Variants in EXOC1 observed in about 807,000 individuals in gnomAD.
The protein encoded by EXOC1 is SEC3-like 1.
Under a neutral mutation model 107.7 loss-of-function variants are expected in EXOC1, and 67 were observed. The ratio of observed to expected loss-of-function variants is 0.62; its 90% CI spans 0.51 to 0.76. The LOEUF (loss-of-function observed/expected upper bound fraction) is 0.76. Ranked by LOEUF, EXOC1 falls within the 30% of genes least tolerant of loss-of-function variation. The probability of loss-of-function intolerance (pLI) is 0.00; values close to 1 mark genes in which losing one functional copy is unlikely to be tolerated. For synonymous variants in EXOC1, 348 were observed against 353.5 expected (o/e 0.98, Z 0.17); for missense variants, 833 against 1,055.7 (o/e 0.79, Z 2.92).
intron 17 of EXOC1, 125 bp from the exon 18 acceptor site, chr4:55,902,216 TTTA>T: frequency 1.7e-6 from 1 of 599,890 alleles, no homozygotes; most frequent in East Asian, 3.5e-5. Context: ...TGATTGTTAT[TTTA>T]TTGTTTATAC....
intron 9 of EXOC1, chr4:55,883,310 C>T (rs942512182): frequency 2.0e-5 from 3 of 152,154 alleles, no homozygotes; most frequent in Non-Finnish European, 4.4e-5. Context: ...TTCCCATACA[C>T]TTTGACCCTG....
chr4:55,877,831 C>T (rs1373928136), intron 8 of EXOC1, 86 bp from the exon 9 acceptor site: 2 of 1,548,212 alleles, frequency 1.3e-6, no homozygotes, highest in African/African-American at 2.8e-5. Flanking sequence ...TTGGCTTGGC[C>T]ACATTTTGGT....
At chr4:55,874,191 A>G (rs977941405) in intron 8 of EXOC1, among the ~76,000 whole-genome samples, 2 of 152,178 alleles carry the variant, frequency 1.3e-5, no homozygotes, top group Admixed American at 1.3e-4. Context: ...GTATAGTTAC[A>G]ACATTTACAA....
chr4:55,855,324 A>G (rs75010972), intron 1 of EXOC1, among the ~76,000 whole-genome samples: 1 of 152,340 alleles, frequency 6.6e-6, no homozygotes, highest in Non-Finnish European at 1.5e-5. Context: ...ATGGGGGGAA[A>G]TCGCAGAATG....
chr4:55,868,627 T>C, intron 5 of EXOC1, 104 bp downstream of exon 5: 1 of 952,992 alleles, frequency 1.0e-6, no homozygotes, highest in Non-Finnish European at 1.5e-6. Context: ...TATAGTGTGT[T>C]ATTGCCATCT....
intron 1 of EXOC1, among the ~76,000 whole-genome samples, chr4:55,857,731 C>G (rs1721130565): frequency 6.6e-6 from 1 of 152,202 alleles, no homozygotes; most frequent in South Asian, 2.1e-4. Context: ...CACCATTTTA[C>G]AATCCCACCA....
At chr4:55,873,774 C>T (rs931951119) in intron 8 of EXOC1, among the ~76,000 whole-genome samples, 2 of 152,094 alleles carry the variant, frequency 1.3e-5, no homozygotes, top group Non-Finnish European at 2.9e-5. Flanking sequence ...CATCAGGTCA[C>T]CTAGCAAAAT....
intron 17 of EXOC1, 197 bp from the exon 18 acceptor site, chr4:55,902,147 A>G (rs1256721099): frequency 2.7e-6 from 1 of 375,066 alleles, no homozygotes; most frequent in African/African-American, 2.1e-5. Context: ...TCACACATCA[A>G]AAGATTACAA....
At chr4:55,861,597 C>T (rs1293806852) in intron 3 of EXOC1, among the ~76,000 whole-genome samples, 1 of 152,150 alleles carries the variant, frequency 6.6e-6, no homozygotes, top group Non-Finnish European at 1.5e-5. Flanking sequence ...CAGATTTCTT[C>T]CAAATGTAAA....
intron 10 of EXOC1, among the ~76,000 whole-genome samples, chr4:55,886,759 C>G (rs911520899): frequency 3.3e-5 from 5 of 151,968 alleles, no homozygotes; most frequent in Middle Eastern, 6.3e-3. Context: ...TTCTGGGTCA[C>G]AAATGCTAGT....
In EXOC1 at chr4:55,890,319, C is replaced by G; in HGVS notation, c.1472C>G (p.Ser491Cys). Residue 491 changes from serine (S) to cysteine (C), a missense_variant, in exon 12 of 19, where the codon TCC (serine) becomes TGC (cysteine). Transcript: ENST00000381295. ...SSGNRRSQSS[S>C]LLDMGNMSAS... ...GGGAATCGCAGATCTCAGTCATCTT[C>G]CCTGTTGGATATGGGAAACATGTCT... The G allele has an allele frequency of 6.2e-7, 1 of 1,613,970 alleles. No individual in the cohort carries two copies. Among genetic ancestry groups the G allele is most frequent in the South Asian group, 1.1e-5 (1 of 91,068 alleles).
Position 55,878,072 on chromosome 4 carries a change from G to C in EXOC1, c.1224+6G>C. 6.2e-7 allele frequency: 1 copy of C among 1,611,094 alleles called. No individual in the cohort carries two copies. Among genetic ancestry groups the C allele is most frequent in the South Asian group, 1.1e-5 (1 of 90,826 alleles). The stretch of plus-strand genomic sequence containing the variant: ...AATATGAAGGACTAACAAAGGTATG[G>C]ATTTGACGTCATTTACTCACTGAGA... On this transcript the variant is annotated splice_donor_region_variant and intron_variant, in intron 9 of 18. Coordinates refer to ENST00000381295, the MANE Select transcript of EXOC1 (RefSeq NM_001024924.2).
chr4:55,875,182 C>T (rs189805741), intron 8 of EXOC1, among the ~76,000 whole-genome samples: 203 of 152,274 alleles, frequency 1.3e-3, no homozygotes, highest in African/African-American at 4.8e-3. Context: ...CATACATATA[C>T]AGAAACAAGC....
chr4:55,861,643 CCCTTTGTTTTAT>C, intron 3 of EXOC1, among the ~76,000 whole-genome samples: 1 of 152,290 alleles, frequency 6.6e-6, no homozygotes, highest in South Asian at 2.1e-4. Context: ...GGCTTACTGG[CCCTTTGTTTTAT>C]CCCTAAGGAG....
chr4:55,901,442 T>C (rs1031701640), intron 17 of EXOC1, among the ~76,000 whole-genome samples: 1 of 152,088 alleles, frequency 6.6e-6, no homozygotes, highest in Non-Finnish European at 1.5e-5. Flanking sequence ...TGTATCGTGC[T>C]CAAATACAGT....
rs749976592 is a variant in EXOC1, at chr4:55,860,396, C to T, written c.125-15C>T. ...GGGTAATATTTCTAATAAAAGTGTG[C>T]GTTTTACTCAACAGTGACAACTGAA... On this transcript the variant is annotated splice_polypyrimidine_tract_variant and intron_variant, in intron 2 of 18. Transcript: ENST00000381295. 5.2e-5 allele frequency: 84 copies of T among 1,611,748 alleles called. No individual in the cohort carries two copies. Among genetic ancestry groups the T allele is most frequent in the South Asian group, 6.6e-5 (6 of 90,960 alleles).
In EXOC1 at chr4:55,896,853, A is replaced by G; in HGVS notation, c.2090A>G (p.Asp697Gly). 6.2e-7 allele frequency: 1 copy of G among 1,608,470 alleles called. No homozygotes were observed. Among genetic ancestry groups the G allele is most frequent in the Non-Finnish European group, 8.5e-7 (1 of 1,178,200 alleles). Residue 697 changes from aspartate to glycine, a missense_variant, in exon 16 of 19, where the codon GAC (aspartate) becomes GGC (glycine). Asp to Gly is a moderately conservative substitution (Grantham distance 94). Around this residue, in one of 2 missense-constraint regions of EXOC1, gnomAD observed 216 missense variants for 354.4 expected, o/e 0.61. Transcript: ENST00000381295. ...SIFKNAERRGDLDKAYTKLIR... is the reference protein window; with the variant it reads ...SIFKNAERRGGLDKAYTKLIR... ...TTCAAAAATGCTGAGCGTCGTGGAG[A>G]CCTGGATAAAGCATACACCAAACTT...
chr4:55,882,832 T>G (rs77425650), intron 9 of EXOC1: 1 of 152,092 alleles, frequency 6.6e-6, no homozygotes, highest in Non-Finnish European at 1.5e-5. Flanking sequence ...TATAGGAAAT[T>G]GAAGCTTAGA....
intron 9 of EXOC1, among the ~76,000 whole-genome samples, chr4:55,878,618 T>C (rs1723109376): frequency 6.6e-6 from 1 of 152,176 alleles, no homozygotes; most frequent in South Asian, 2.1e-4. Context: ...AATCTCTGTC[T>C]CGAGACCATG....
Sources: allele counts gnomAD v4.1 joint callset (sites outside exome capture counted in the v4.1 genomes callset), GRCh38; gene constraint gnomAD v4.1.1; regional missense constraint gnomAD v4.1.1; transcripts MANE v1.5; gene names NCBI Gene and HGNC (gene_info 2026-07-23, HGNC 2026-07-21).